The following NYAP2 variants were observed in gnomAD, a reference collection of about 807,000 sequenced individuals.
The protein encoded by NYAP2 is neuronal tyrosine-phosphorylated phosphoinositide-3-kinase adapter 2.
Under a neutral mutation model 50.4 loss-of-function variants are expected in NYAP2, and 23 were observed. The ratio of observed to expected loss-of-function variants is 0.46; its 90% CI spans 0.33 to 0.65. The LOEUF is 0.65. Among genes scored for constraint, NYAP2 ranks in the 30% least tolerant of loss-of-function variants. The pLI is 0.02. For missense variants in NYAP2, 885 were observed against 861.0 expected (o/e 1.03, Z -0.35); for synonymous variants, 394 against 365.2 (o/e 1.08, Z -0.90).
intron 4 of NYAP2, among the ~76,000 whole-genome samples, chr2:225,551,219 G>A (rs1037995478): frequency 8.5e-5 from 13 of 152,124 alleles, no homozygotes; most frequent in Admixed American, 3.3e-4. Flanking sequence ...TCTCTTCCAC[G>A]TCCACTCTGG....
rs147827678 is a variant in NYAP2, at chr2:225,451,757, C to G, written c.221+42656C>G. 6.6e-5 allele frequency among the ~76,000 whole-genome samples: 10 copies of G among 152,238 alleles called. No individual in the cohort carries two copies. In the East Asian group the frequency reaches 1.9e-3, roughly 29 times the overall value. On this transcript the variant is annotated intron_variant, in intron 3 of 6. Coordinates refer to ENST00000636099, the Ensembl canonical transcript of NYAP2. ...GAAATAGTTTTTCTTAGCTTCAAAG[C>G]TCTGTTATATGGTAGGCTAATAAGA...
At chr2:225,418,332 G>A (rs1215833372) in intron 3 of NYAP2, among the ~76,000 whole-genome samples, 1 of 152,148 alleles carries the variant, frequency 6.6e-6, no homozygotes, top group Admixed American at 6.6e-5. Flanking sequence ...AGGACATGGA[G>A]GTTACTGTCA....
At chr2:225,506,784 C>T (rs940423188) in intron 3 of NYAP2, among the ~76,000 whole-genome samples, 5 of 152,004 alleles carry the variant, frequency 3.3e-5, no homozygotes, top group African/African-American at 1.2e-4. Context: ...TGACAGTGGC[C>T]CACCTGCCCA....
chr2:225,466,277 CTTTG>C (rs1463468375), intron 3 of NYAP2, among the ~76,000 whole-genome samples: 2 of 152,040 alleles, frequency 1.3e-5, no homozygotes, highest in South Asian at 2.1e-4. Flanking sequence ...ATATAAGGGA[CTTTG>C]TTTGAATTCT....
At chr2:225,671,683 A>T in the NYAP2 span, among the ~76,000 whole-genome samples, 19 of 152,058 alleles carry the variant, frequency 1.2e-4, no homozygotes, top group Admixed American at 4.6e-4. Flanking sequence ...ACTTTTTTTT[A>T]CCAAATTTAT....
chr2:225,464,164 G>C (rs186823321), intron 3 of NYAP2, among the ~76,000 whole-genome samples: 1 of 152,294 alleles, frequency 6.6e-6, no homozygotes, highest in East Asian at 1.9e-4. Context: ...GACCGATTGA[G>C]GCAGGAGTCT....
At chr2:225,436,154 T>C (rs1689372439) in intron 3 of NYAP2, among the ~76,000 whole-genome samples, 1 of 152,218 alleles carries the variant, frequency 6.6e-6, no homozygotes, top group African/African-American at 2.4e-5. Context: ...TCAGATCATA[T>C]CTCTGCCCTG....
the NYAP2 span, among the ~76,000 whole-genome samples, chr2:225,689,867 A>G: frequency 6.6e-6 from 1 of 152,270 alleles, no homozygotes; most frequent in East Asian, 1.9e-4. Flanking sequence ...GGTACATTTT[A>G]TATATAATCC....
chr2:225,531,443 T>C (rs1369125909), intron 4 of NYAP2, among the ~76,000 whole-genome samples: 1 of 152,254 alleles, frequency 6.6e-6, no homozygotes, highest in African/African-American at 2.4e-5. Context: ...TCTGCTAATA[T>C]ATTTTATTGT....
rs2106124988 is a variant in NYAP2 at position 225,418,266 on chromosome 2, G to T, written c.221+9165G>T. On this transcript the variant is annotated intron_variant, in intron 3 of 6. Transcript: ENST00000636099. The stretch of plus-strand genomic sequence containing the variant: ...CTCACTGTGGCTCGAACAGGGCAGA[G>T]CAGGTGAGGCGGAGGTTAGAAGATG... Among the ~76,000 whole-genome samples, 2 of 152,278 alleles carry T rather than the reference G, an allele frequency of 1.3e-5. 1 individual carries two copies. Among genetic ancestry groups the T allele is most frequent in the South Asian group, 4.1e-4 (2 of 4,828 alleles).
chr2:225,602,501 C>T (rs1255802476), intron 5 of NYAP2, among the ~76,000 whole-genome samples: 1 of 152,158 alleles, frequency 6.6e-6, no homozygotes, highest in Non-Finnish European at 1.5e-5. Flanking sequence ...AAGAAGCCAT[C>T]CTAACTGCCT....
chr2:225,490,633 T>A (rs1412067600), intron 3 of NYAP2, among the ~76,000 whole-genome samples: 2 of 152,086 alleles, frequency 1.3e-5, no homozygotes, highest in Non-Finnish European at 2.9e-5. Flanking sequence ...GATTAGGCAA[T>A]CCAAATCCAG....
Position 225,651,515 on chromosome 2 carries a change from A to C in NYAP2, c.1912A>C (p.Ser638Arg), listed in dbSNP as rs1418948963. 12 of 1,613,918 alleles carry C rather than the reference A, an allele frequency of 7.4e-6. No homozygotes were observed. The African/African-American group carries it at 1.5e-4, about 20-fold the overall frequency. ...ATCAGTCACTCCCCTCAGGCAAAGC[A>C]GTGACCTGCAACAGAGCCAGGTACC... The change falls in exon 7 of 7, where the codon AGT becomes CGT. Residue 638 changes from serine to arginine, a missense_variant. By Grantham distance (110) the Ser-to-Arg change is moderately radical (BLOSUM62 -1). Transcript: ENST00000636099.
chr2:225,645,733 A>G (rs977022682), intron 6 of NYAP2, among the ~76,000 whole-genome samples: 1 of 152,162 alleles, frequency 6.6e-6, no homozygotes, highest in African/African-American at 2.4e-5. Context: ...CTTTCCAGGT[A>G]TGTGCCCCTT....
intron 5 of NYAP2, among the ~76,000 whole-genome samples, chr2:225,612,855 C>CCAATGTGTGTGA (rs1277985514): frequency 1.9e-4 from 29 of 149,942 alleles, no homozygotes; most frequent in East Asian, 3.9e-4. Context: ...GACATCACAT[C>CCAATGTGTGTGA]TGGGTCTAGA....
intron 4 of NYAP2, among the ~76,000 whole-genome samples, chr2:225,550,490 T>C (rs1214868419): frequency 6.6e-6 from 1 of 152,118 alleles, no homozygotes; most frequent in African/African-American, 2.4e-5. Flanking sequence ...GTAAGCCAAA[T>C]TGGGGTGGAG....
At chr2:225,665,734 G>A in the NYAP2 span, among the ~76,000 whole-genome samples, 18 of 145,846 alleles carry the variant, frequency 1.2e-4, no homozygotes, top group Middle Eastern at 3.8e-3. Context: ...GCTTGAACCT[G>A]GGAGGCAGAG....
chr2:225,453,832 T>A (rs1298679225), intron 3 of NYAP2, among the ~76,000 whole-genome samples: 9 of 141,220 alleles, frequency 6.4e-5, no homozygotes, highest in African/African-American at 2.7e-4. Context: ...CACGCCCGGC[T>A]AATTTTTTTT....
chr2:225,568,820 G>C (rs1236241450), intron 4 of NYAP2, among the ~76,000 whole-genome samples: 1 of 152,132 alleles, frequency 6.6e-6, no homozygotes, highest in Non-Finnish European at 1.5e-5. Context: ...TTTATGCTGA[G>C]ATCTGAGTGA....
Sources: allele counts gnomAD v4.1 joint callset (sites outside exome capture counted in the v4.1 genomes callset), GRCh38; gene constraint gnomAD v4.1.1; transcripts MANE v1.5; gene names NCBI Gene and HGNC (gene_info 2026-07-23, HGNC 2026-07-21).